Variants in RTN3 observed in about 807,000 individuals in gnomAD.
RTN3 encodes reticulon 3, also known as reticulon-3.
A neutral mutation model predicts 77.8 loss-of-function variants in RTN3; 49 were observed. That is an observed-to-expected ratio of 0.63 (90% CI 0.50 to 0.80). The LOEUF is 0.80. Ranked by LOEUF, RTN3 falls within the 30% of genes least tolerant of loss-of-function variation. The pLI, the probability that RTN3 is intolerant of heterozygous loss-of-function variation, is 0.00. For synonymous variants in RTN3, 464 were observed against 446.9 expected (o/e 1.04, Z -0.48); for missense variants, 1,236 against 1,211.9 (o/e 1.02, Z -0.29).
At chr11:63,713,907 A>G (rs1332887806) in intron 2 of RTN3, 2 of 439,886 alleles carry the variant, frequency 4.5e-6, no homozygotes, top group Middle Eastern at 6.9e-4. Flanking sequence ...ACAGCTTTAC[A>G]GTGTATAGTA....
Position 63,720,282 on chromosome 11 carries a change from G to A in RTN3, c.1780G>A (p.Asp594Asn). 2.5e-6 allele frequency: 4 copies of A among 1,613,540 alleles called. No homozygotes were observed. Among genetic ancestry groups the A allele is most frequent in the Non-Finnish European group, 3.4e-6 (4 of 1,179,740 alleles). ...KVPDTNVSLE[D>N]VSEVAPEKPI... ...ACCCGATACGAATGTCTCCTTAGAA[G>A]ATGTGAGTGAAGTTGCTCCTGAAAA... Residue 594 changes from aspartate to asparagine, a missense_variant, in exon 3 of 9, where the codon GAT becomes AAT. Around this residue, in one of 3 missense-constraint regions of RTN3, gnomAD observed 1,056 missense variants for 990.4 expected, o/e 1.07. Coordinates refer to ENST00000377819, the MANE Select transcript of RTN3 (RefSeq NM_001265589.2).
rs1375649873 is a variant in RTN3 at position 63,721,492 on chromosome 11, G to A, written c.2530+460G>A. The stretch of plus-strand genomic sequence containing the variant: ...TGGGAGGCTGAGGCAGGAGAATGGC[G>A]TAAACCCGGGAGGCAGAGCTTGCAG... On this transcript the variant is annotated intron_variant, in intron 3 of 8. Coordinates refer to ENST00000377819, the MANE Select transcript of RTN3 (RefSeq NM_001265589.2). Among the ~76,000 whole-genome samples the A allele has an allele frequency of 2.0e-5, 3 of 150,354 alleles. No homozygotes were observed. In the East Asian group the frequency reaches 5.9e-4, roughly 30 times the overall value.
At chr11:63,718,470 T>G (rs1373821554) in intron 2 of RTN3, among the ~76,000 whole-genome samples, 2 of 152,204 alleles carry the variant, frequency 1.3e-5, no homozygotes, top group Non-Finnish European at 2.9e-5. Context: ...TTTTTATCAT[T>G]TGCAGTTTGT....
intron 3 of RTN3, among the ~76,000 whole-genome samples, chr11:63,723,527 G>A (rs540556768): frequency 4.0e-5 from 6 of 151,518 alleles, no homozygotes; most frequent in East Asian, 1.9e-4. Flanking sequence ...GGGTTCAAGC[G>A]ACTCTCCTGC....
intron 1 of RTN3, among the ~76,000 whole-genome samples, chr11:63,699,459 C>G (rs774759284): frequency 5.3e-5 from 8 of 152,206 alleles, no homozygotes; most frequent in Non-Finnish European, 8.8e-5. Context: ...CCCATCCTCA[C>G]TGCCTTAGTG....
At chr11:63,735,551 T>TCTCTCC (rs2013039462) in intron 3 of RTN3, among the ~76,000 whole-genome samples, 1 of 48,268 alleles carries the variant, frequency 2.1e-5, no homozygotes, top group Non-Finnish European at 4.0e-5. Flanking sequence ...TTCTAACATT[T>TCTCTCC]CTCTCTCTCT....
chr11:63,695,770 T>C (rs1941906413), intron 1 of RTN3, among the ~76,000 whole-genome samples: 1 of 152,052 alleles, frequency 6.6e-6, no homozygotes, highest in Non-Finnish European at 1.5e-5. Flanking sequence ...TCTGAGAAGC[T>C]GACAGTCCAG....
At chr11:63,732,014 C>T (rs2012725199) in intron 3 of RTN3, among the ~76,000 whole-genome samples, 4 of 150,648 alleles carry the variant, frequency 2.7e-5, no homozygotes, top group Admixed American at 2.6e-4. Context: ...ATCTAAGGTT[C>T]GAACTTGAAA....
intron 2 of RTN3, among the ~76,000 whole-genome samples, chr11:63,717,181 T>C (rs1016317152): frequency 6.6e-6 from 1 of 151,410 alleles, no homozygotes; most frequent in Non-Finnish European, 1.5e-5. Flanking sequence ...AACAAACAAA[T>C]AAATGAAGTA....
intron 1 of RTN3, among the ~76,000 whole-genome samples, chr11:63,701,452 A>G (rs567329819): frequency 6.6e-6 from 1 of 152,324 alleles, no homozygotes; most frequent in East Asian, 1.9e-4. Context: ...TACATAAAGT[A>G]TAATGAAACT....
At chr11:63,690,161 C>T (rs1941579975) in intron 1 of RTN3, among the ~76,000 whole-genome samples, 1 of 152,158 alleles carries the variant, frequency 6.6e-6, no homozygotes. Context: ...GCTTTTTGAC[C>T]TGTTCCTCAT....
chr11:63,755,107 G>A (rs1565049534), intron 7 of RTN3, among the ~76,000 whole-genome samples: 1 of 151,506 alleles, frequency 6.6e-6, no homozygotes, highest in Non-Finnish European at 1.5e-5. Flanking sequence ...TCCATCAAGA[G>A]ACTTTTTGGC....
chr11:63,749,120 A>G (rs1161251195), intron 3 of RTN3, among the ~76,000 whole-genome samples: 6 of 152,144 alleles, frequency 3.9e-5, no homozygotes, highest in Non-Finnish European at 7.4e-5. Flanking sequence ...GTCTCTACAA[A>G]AAAGAAAAAA....
In RTN3 at chr11:63,720,390, A is replaced by G. The variant is rs746638806; in HGVS notation, c.1888A>G (p.Thr630Ala). 6 of 1,613,964 alleles carry G rather than the reference A, an allele frequency of 3.7e-6. No individual in the cohort carries two copies. Among genetic ancestry groups the G allele is most frequent in the Non-Finnish European group, 5.1e-6 (6 of 1,180,008 alleles). Reference protein sequence around the residue: ...FNETEFSLNVTTSAYLESLHG... With the variant: ...FNETEFSLNVATSAYLESLHG... ...TGAGACAGAATTCTCATTAAATGTG[A>G]CAACATCTGCCTATTTGGAGTCATT... The change falls in exon 3 of 9, where the codon ACA (threonine) becomes GCA (alanine). Residue 630 changes from threonine (T) to alanine (A), a missense_variant. Physicochemically the swap from Thr to Ala is moderately conservative, Grantham distance 58. Transcript: ENST00000377819.
chr11:63,691,363 C>T (rs1255644778), intron 1 of RTN3, among the ~76,000 whole-genome samples: 1 of 151,850 alleles, frequency 6.6e-6, no homozygotes, highest in Admixed American at 6.6e-5. Flanking sequence ...TCAGGAGATC[C>T]ACCCTCCTTG....
rs1316600019 is a variant in RTN3 at position 63,759,378 on chromosome 11, G to A, written c.*1177G>A. 6.6e-6 allele frequency: 1 copy of A among 152,578 alleles called. No homozygotes were observed. The highest frequency in any genetic ancestry group is 1.5e-5 in the Non-Finnish European group (1 of 68,028). 9.5% of individuals were successfully genotyped at this position (152,578 alleles called of 1,614,324 possible). A position where few individuals can be genotyped will look rare whatever the true frequency, so the allele number is the denominator to read the frequency against. ...ATGCACTGGCGAGTTTAAAGTAAGG[G>A]CTATGATATTTGATGGTCCCAAAGT... On this transcript the variant is annotated 3_prime_UTR_variant, in exon 9 of 9. Transcript: ENST00000377819.
In RTN3 at chr11:63,758,878, C is replaced by T. The variant is rs528247932; in HGVS notation, c.*677C>T. 1.3e-5 allele frequency: 2 copies of T among 152,758 alleles called. No individual in the cohort carries two copies. The highest frequency in any genetic ancestry group is 3.9e-4 in the East Asian group (2 of 5,190). 9.5% of individuals were successfully genotyped at this position (152,758 alleles called of 1,614,324 possible). On this transcript the variant is annotated 3_prime_UTR_variant, in exon 9 of 9. Coordinates refer to ENST00000377819, the MANE Select transcript of RTN3 (RefSeq NM_001265589.2). The stretch of plus-strand genomic sequence containing the variant: ...CATGCTGCGGTGGCGGTCACTCCCT[C>T]TGCCACTATCCCCAGGGAAGGAAAG...
At chr11:63,684,028 T>G (rs181376374) in intron 1 of RTN3, among the ~76,000 whole-genome samples, 2 of 138,308 alleles carry the variant, frequency 1.4e-5, no homozygotes, top group Non-Finnish European at 3.1e-5. Context: ...CTTGGCTCAC[T>G]GCAACCTCCA....
At chr11:63,753,470 G>GTT (rs202100472) in intron 6 of RTN3, among the ~76,000 whole-genome samples, 192 bp from the exon 7 acceptor site, 1 of 152,008 alleles carries the variant, frequency 6.6e-6, no homozygotes, top group African/African-American at 2.4e-5. Flanking sequence ...ACCTGAAGAG[G>GTT]TTTTTTTTGT....
Sources: gnomAD v4.1 joint callset for allele counts (sites outside exome capture counted in the v4.1 genomes callset) on GRCh38, gnomAD v4.1.1 for gene constraint, gnomAD v4.1.1 regional missense constraint, MANE v1.5 for transcripts, NCBI Gene and HGNC (gene_info 2026-07-23, HGNC 2026-07-21) for gene names.